Variants in NCAN observed in about 807,000 individuals in gnomAD.
The protein encoded by NCAN is neurocan core protein.
NCAN carries 47 observed loss-of-function variants against 121.8 expected under a neutral mutation model. The ratio of observed to expected loss-of-function variants is 0.39; its 90% CI spans 0.31 to 0.49. The LOEUF (loss-of-function observed/expected upper bound fraction) is 0.49, where lower values mean the gene tolerates loss of function less well. NCAN is among the 20% of genes least tolerant of loss of function. The probability of loss-of-function intolerance (pLI) is 0.92; values close to 1 mark genes in which losing one functional copy is unlikely to be tolerated. For missense variants in NCAN, 1,517 were observed against 1,773.4 expected, an observed-to-expected ratio of 0.86 and a Z score of 2.60; for synonymous variants, 633 against 702.0, an observed-to-expected ratio of 0.90 and a Z score of 1.55.
intron 10 of NCAN, 112 bp from the exon 11 acceptor site, chr19:19,238,141 G>A (rs888496963): frequency 1.3e-4 from 185 of 1,410,204 alleles, no homozygotes; most frequent in East Asian, 5.0e-4. Context: ...GGGTGATTTC[G>A]CCCCGCAGTG....
chr19:19,230,068 T>C (rs2060852455), intron 8 of NCAN, among the ~76,000 whole-genome samples: 1 of 152,072 alleles, frequency 6.6e-6, no homozygotes, highest in Admixed American at 6.6e-5. Context: ...TTTTTGAGAC[T>C]GAGTCTCACT....
chr19:19,240,003 TC>T lies in NCAN; in HGVS notation c.3410-595del, dbSNP rs565078170. On this transcript the variant is annotated intron_variant, in intron 11 of 14. Transcript: ENST00000252575. ...TCTTCCCCATCCTCCCTCCCACTCC[TC>T]CCCCTCCTTCTTCCACTGATCTTTC... Among the ~76,000 whole-genome samples the T allele has an allele frequency of 2.7e-4, 14 of 51,434 alleles. No individual in the cohort carries two copies. The South Asian group carries it at 3.6e-3, about 13-fold the overall frequency. 33.7% of individuals were successfully genotyped at this position (51,434 alleles called of 152,430 possible).
intron 10 of NCAN, among the ~76,000 whole-genome samples, chr19:19,235,447 T>G (rs554575829): frequency 6.9e-6 from 1 of 145,114 alleles, no homozygotes; most frequent in African/African-American, 2.6e-5. Flanking sequence ...ATTTTTGTAT[T>G]TTTTAGTAGA....
Position 19,227,244 on chromosome 19 carries a change from A to T in NCAN, c.1661-37A>T, listed in dbSNP as rs2060840892. On this transcript the variant is annotated intron_variant, in intron 7 of 14. Coordinates refer to ENST00000252575, the MANE Select transcript of NCAN (RefSeq NM_004386.3). The surrounding 1 kb of genome is among the most constrained non-coding windows in gnomAD (Gnocchi z 4.2). ...TGGAGTCCAACCAAAGGGGCTGCTG[A>T]GAGATCATTGTAATGATTGCCTTGA... 2 of 1,516,416 alleles carry T rather than the reference A, an allele frequency of 1.3e-6. No individual in the cohort carries two copies. Among genetic ancestry groups the T allele is most frequent in the South Asian group, 2.6e-5 (2 of 75,936 alleles). The allele number at this position is 1,516,416 out of a possible 1,614,324, so 93.9% of individuals were successfully genotyped here. A position where few individuals can be genotyped will look rare whatever the true frequency, so the allele number is the denominator to read the frequency against.
intron 9 of NCAN, 82 bp downstream of exon 9, chr19:19,233,987 A>C (rs2060871884): frequency 1.2e-6 from 1 of 842,252 alleles, no homozygotes; most frequent in African/African-American, 1.7e-5. Context: ...CCATGCCCTC[A>C]GAATTCAGAG....
intron 3 of NCAN, among the ~76,000 whole-genome samples, chr19:19,220,045 G>A (rs1048019440): frequency 5.3e-5 from 8 of 151,950 alleles, no homozygotes; most frequent in Non-Finnish European, 1.0e-4. Context: ...AAAAACGTCT[G>A]TATCAGTATG....
chr19:19,225,654 A>G lies in NCAN; in HGVS notation c.1072+384A>G, dbSNP rs1263938004. Among the ~76,000 whole-genome samples the G allele has an allele frequency of 1.3e-5, 2 of 152,138 alleles. No individual in the cohort carries two copies. The highest frequency in any genetic ancestry group is 2.4e-5 in the African/African-American group (1 of 41,450). ...GGAAGAGATAATGCCTCAATTGGCC[A>G]CCTCTGGGCACCACACCGGATGTGG... On this transcript the variant is annotated intron_variant, in intron 6 of 14. Coordinates refer to ENST00000252575, the MANE Select transcript of NCAN (RefSeq NM_004386.3). This position sits in a 1 kb window ranked among gnomAD's most constrained non-coding sequence, Gnocchi z 4.0.
In NCAN at chr19:19,233,781, T is replaced by C. The variant is rs747721100; in HGVS notation, c.3020-8T>C. The C allele has an allele frequency of 3.2e-6, 5 of 1,575,038 alleles. No individual in the cohort carries two copies. The highest frequency in any genetic ancestry group is 2.2e-5 in the East Asian group (1 of 44,706). ...GACTCTTCCCCACACTACCCATCCA[T>C]CCTGCAGTGCACTCAGATCCCTGTG... On this transcript the variant is annotated splice_region_variant and splice_polypyrimidine_tract_variant and intron_variant, in intron 8 of 14. Transcript: ENST00000252575.
rs1599803633 is a variant in NCAN, at chr19:19,212,477, T to A, written c.-8+413T>A. 6.6e-6 allele frequency among the ~76,000 whole-genome samples: 1 copy of A among 151,268 alleles called. No homozygotes were observed. The highest frequency in any genetic ancestry group is 2.1e-4 in the South Asian group (1 of 4,778). ...TCTCAGCCGAGACACCCCAGGATTT[T>A]AAGTAGGGATTCCCAATTTGCGGTT... On this transcript the variant is annotated intron_variant, in intron 1 of 14. Coordinates refer to ENST00000252575, the MANE Select transcript of NCAN (RefSeq NM_004386.3). This position sits in a 1 kb window ranked among gnomAD's most constrained non-coding sequence, Gnocchi z 4.5.
Position 19,226,555 on chromosome 19 carries a change from C to T in NCAN, c.1142C>T (p.Ser381Leu), listed in dbSNP as rs376582510. ...PSSGDEGEIL[S>L]AEGPPVRELE... Reference sequence around the variant, plus strand: ...TCTGGGGATGAGGGGGAGATTCTGTCAGCAGAGGGGCCCCCAGTTAGAGAA... The same window carrying T: ...TCTGGGGATGAGGGGGAGATTCTGTTAGCAGAGGGGCCCCCAGTTAGAGAA... The change falls in exon 7 of 15, where the codon TCA (serine) becomes TTA (leucine). Residue 381 changes from serine to leucine, a missense_variant. Physicochemically the swap from Ser to Leu is moderately radical, Grantham distance 145 (BLOSUM62 -2). Transcript: ENST00000252575. 6.2e-6 allele frequency: 10 copies of T among 1,613,308 alleles called. No individual in the cohort carries two copies. The highest frequency in any genetic ancestry group is 1.7e-5 in the Admixed American group (1 of 59,980).
At chr19:19,224,918 T>C in intron 5 of NCAN, 59 bp from the exon 6 acceptor site, 1 of 1,337,558 alleles carries the variant, frequency 7.5e-7, no homozygotes. Flanking sequence ...TGGACCCACT[T>C]CCTGGGCTCC....
intron 5 of NCAN, 119 bp downstream of exon 5, chr19:19,224,552 C>T: frequency 7.5e-7 from 1 of 1,330,394 alleles, no homozygotes; most frequent in Non-Finnish European, 1.0e-6. Context: ...CTCCCTAAAC[C>T]TGCAACCAAG....
In NCAN at chr19:19,212,508, G is replaced by C. The variant is rs1027947913; in HGVS notation, c.-8+444G>C. 2.0e-5 allele frequency among the ~76,000 whole-genome samples: 3 copies of C among 151,886 alleles called. No homozygotes were observed. The highest frequency in any genetic ancestry group is 2.0e-4 in the Admixed American group (3 of 15,270). On this transcript the variant is annotated intron_variant, in intron 1 of 14. Coordinates refer to ENST00000252575, the MANE Select transcript of NCAN (RefSeq NM_004386.3). This position sits in a 1 kb window ranked among gnomAD's most constrained non-coding sequence, Gnocchi z 4.5. ...GGGATTCCCAATTTGCGGTTGAATG[G>C]AGGATTCCGGGCCGGACTGCAGTGG... is the stretch of plus-strand genomic sequence containing the variant.
intron 12 of NCAN, among the ~76,000 whole-genome samples, chr19:19,242,881 T>A (rs1288669544): frequency 6.6e-6 from 1 of 152,050 alleles, no homozygotes; most frequent in Non-Finnish European, 1.5e-5. Context: ...ATGCCTGCAA[T>A]CCCAGCACTT....
At chr19:19,216,900 G>A in intron 1 of NCAN, 47 bp from the exon 2 acceptor site, 1 of 1,140,256 alleles carries the variant, frequency 8.8e-7, no homozygotes, top group Non-Finnish European at 1.2e-6. Context: ...ATATCTGGGA[G>A]GGTTGGGCTG....
At position 19,250,062 on chromosome 19, in the gene NCAN, C is replaced by T. The variant is rs773478736; in HGVS notation, c.*151C>T. 3.1e-5 allele frequency: 27 copies of T among 873,566 alleles called. No individual in the cohort carries two copies. The East Asian group carries it at 3.2e-4, about 10-fold the overall frequency. 54.1% of individuals were successfully genotyped at this position (873,566 alleles called of 1,614,324 possible). On this transcript the variant is annotated 3_prime_UTR_variant, in exon 15 of 15. Transcript: ENST00000252575. ...CACACATAATCCTTTGTACAAAGCT[C>T]CTCTTTTCCCTTTTTTTACATACAC...
rs2060839059 is a variant in NCAN, at chr19:19,226,840, T to C, written c.1427T>C (p.Met476Thr). Residue 476 changes from methionine to threonine, a missense_variant, in exon 7 of 15, where the codon ATG (methionine) becomes ACG (threonine). By Grantham distance (81) the Met-to-Thr change is moderately conservative. Transcript: ENST00000252575. Reference protein sequence around the residue: ...SHTEVAPTDPMPRRRGRFKGL... With the variant: ...SHTEVAPTDPTPRRRGRFKGL... ...ACGGAGGTGGCCCCAACTGACCCTA[T>C]GCCTAGGAGAAGGGGGCGCTTCAAA... The C allele has an allele frequency of 1.2e-6, 2 of 1,613,182 alleles. No homozygotes were observed. The highest frequency in any genetic ancestry group is 1.7e-6 in the Non-Finnish European group (2 of 1,179,918).
chr19:19,232,597 T>C (rs1011528443), intron 8 of NCAN, among the ~76,000 whole-genome samples: 1 of 152,218 alleles, frequency 6.6e-6, no homozygotes, highest in African/African-American at 2.4e-5. Context: ...TCCCAGACCA[T>C]ATGTTGAAAC....
chr19:19,235,787 G>C (rs1052291152), intron 10 of NCAN, among the ~76,000 whole-genome samples: 1 of 151,934 alleles, frequency 6.6e-6, no homozygotes, highest in Non-Finnish European at 1.5e-5. Flanking sequence ...TGGCACCCAG[G>C]CTGGATGGAG....
Sources: allele counts gnomAD v4.1 joint callset (sites outside exome capture counted in the v4.1 genomes callset), GRCh38; gene constraint gnomAD v4.1.1; non-coding constraint Gnocchi (gnomAD v3.1); transcripts MANE v1.5; gene names NCBI Gene and HGNC (gene_info 2026-07-23, HGNC 2026-07-21).